The following TAOK3 variants were observed in gnomAD, a reference collection of about 807,000 sequenced individuals.
The protein encoded by TAOK3 is serine/threonine-protein kinase TAO3.
In TAOK3, 40 loss-of-function variants were observed where a neutral mutation model predicts 120.4. That is an observed-to-expected ratio of 0.33 (90% CI 0.26 to 0.43). The LOEUF (loss-of-function observed/expected upper bound fraction) is 0.43, where lower values mean the gene tolerates loss of function less well. TAOK3 is among the 20% of genes least tolerant of loss of function. TAOK3 has a pLI of 1.00. For synonymous variants in TAOK3, 355 were observed against 387.5 expected, an observed-to-expected ratio of 0.92 and a Z score of 0.99; for missense variants, 821 against 1,112.1, an observed-to-expected ratio of 0.74 and a Z score of 3.72.
Position 118,162,082 on chromosome 12 carries a change from G to A in TAOK3, c.1900-55C>T. The stretch of plus-strand genomic sequence containing the variant: ...AGAGGTGAATGGAGATGAACTGGAA[G>A]GAATGCACAACTAAGTGAGGGAGGG... On this transcript the variant is annotated intron_variant, in intron 17 of 20. Transcript: ENST00000392533. 4 of 1,593,934 alleles carry A rather than the reference G, an allele frequency of 2.5e-6. No homozygotes were observed. The South Asian group carries it at 3.3e-5, about 13-fold the overall frequency.
At chr12:118,352,479 T>C (rs960720842) in intron 1 of TAOK3, among the ~76,000 whole-genome samples, 1 of 150,718 alleles carries the variant, frequency 6.6e-6, no homozygotes, top group African/African-American at 2.4e-5. Flanking sequence ...CACTCTAGCC[T>C]GGGCGACACA....
chr12:118,327,910 C>T (rs1051810717), intron 1 of TAOK3, among the ~76,000 whole-genome samples: 9 of 152,162 alleles, frequency 5.9e-5, no homozygotes, highest in Non-Finnish European at 1.2e-4. Context: ...CCCAACAGGA[C>T]CCTTTTTCTT....
Position 118,246,514 on chromosome 12 carries a change from C to T in TAOK3, c.121-1549G>A, listed in dbSNP as rs2040513405. On this transcript the variant is annotated intron_variant, in intron 3 of 20. Coordinates refer to ENST00000392533, the MANE Select transcript of TAOK3 (RefSeq NM_016281.4). ...CACGTCGGTCTGGGTGTTAAGTGCTCCAAGGAGGTGGCCACCGCCATCCGT... is the reference window on the plus strand; with the variant it reads ...CACGTCGGTCTGGGTGTTAAGTGCTTCAAGGAGGTGGCCACCGCCATCCGT... 7 of 1,564,588 alleles carry T rather than the reference C, an allele frequency of 4.5e-6. No individual in the cohort carries two copies. The Admixed American group carries it at 1.0e-4, about 23-fold the overall frequency.
chr12:118,173,235 T>C (rs890445979), intron 16 of TAOK3, among the ~76,000 whole-genome samples: 2 of 152,116 alleles, frequency 1.3e-5, no homozygotes, highest in African/African-American at 4.8e-5. Flanking sequence ...AGAGGAAACA[T>C]GGTGCCATCA....
intron 13 of TAOK3, among the ~76,000 whole-genome samples, chr12:118,195,857 C>T (rs564494929): frequency 6.6e-5 from 10 of 151,956 alleles, no homozygotes; most frequent in East Asian, 1.9e-4. Context: ...GAGACCATCC[C>T]GGCTAACACG....
chr12:118,369,666 A>G (rs77596359), intron 1 of TAOK3, among the ~76,000 whole-genome samples: 2,411 of 152,310 alleles, frequency 0.016, 62 homozygotes, highest in African/African-American at 0.054. Context: ...TGCAAAATGA[A>G]TATATGCCTG....
intron 1 of TAOK3, among the ~76,000 whole-genome samples, chr12:118,345,282 T>C (rs1194446610): frequency 6.6e-6 from 1 of 152,156 alleles, no homozygotes; most frequent in Non-Finnish European, 1.5e-5. Context: ...GTCTTCAAAA[T>C]GGACAAGAAA....
intron 1 of TAOK3, among the ~76,000 whole-genome samples, chr12:118,311,868 G>C (rs114318520): frequency 5.9e-5 from 9 of 152,122 alleles, no homozygotes; most frequent in African/African-American, 2.2e-4. Context: ...GGAAGATATC[G>C]TGAGCCAAAA....
chr12:118,322,617 T>C (rs562062844), intron 1 of TAOK3, among the ~76,000 whole-genome samples: 1 of 152,100 alleles, frequency 6.6e-6, no homozygotes, highest in South Asian at 2.1e-4. Context: ...CAATAAAACG[T>C]TGCTTATGAA....
chr12:118,336,119 A>C (rs975337309), intron 1 of TAOK3, among the ~76,000 whole-genome samples: 1 of 152,222 alleles, frequency 6.6e-6, no homozygotes, highest in Non-Finnish European at 1.5e-5. Context: ...ATGGACAGGC[A>C]AAAGAGCTAG....
At chr12:118,163,958 C>T (rs942869970) in intron 17 of TAOK3, among the ~76,000 whole-genome samples, 2 of 151,946 alleles carry the variant, frequency 1.3e-5, no homozygotes, top group African/African-American at 2.4e-5. Context: ...GTGATCTGCC[C>T]GCCTTGGCCT....
At chr12:118,178,633 T>C (rs760551155) in intron 15 of TAOK3, among the ~76,000 whole-genome samples, 1 of 152,132 alleles carries the variant, frequency 6.6e-6, no homozygotes. Context: ...AATTTTTGTA[T>C]TTTTAGTAGA....
intron 1 of TAOK3, among the ~76,000 whole-genome samples, chr12:118,309,186 G>A (rs1593490428): frequency 6.6e-6 from 1 of 150,486 alleles, no homozygotes; most frequent in East Asian, 2.0e-4. Flanking sequence ...AAAATAAGCT[G>A]GGCGTGGTGC....
intron 3 of TAOK3, among the ~76,000 whole-genome samples, chr12:118,251,505 C>A (rs376625990): frequency 2.1e-4 from 32 of 152,140 alleles, no homozygotes; most frequent in South Asian, 8.3e-4. Context: ...ATCAATGCCA[C>A]TCTGCTACCT....
At position 118,214,029 on chromosome 12, in the gene TAOK3, T is replaced by C. The variant is rs2038758343; in HGVS notation, c.725A>G (p.Gln242Arg). 6.2e-7 allele frequency: 1 copy of C among 1,611,260 alleles called. No individual in the cohort carries two copies. The highest frequency in any genetic ancestry group is 8.5e-7 in the Non-Finnish European group (1 of 1,178,718). The change falls in exon 10 of 21, where the codon CAG becomes CGG. Residue 242 changes from glutamine (Q) to arginine (R), a missense_variant. Physicochemically the swap from Gln to Arg is conservative, Grantham distance 43 (BLOSUM62 1). Around this residue, in one of 2 missense-constraint regions of TAOK3, gnomAD observed 467 missense variants for 540.0 expected, o/e 0.86. Coordinates refer to ENST00000392533, the MANE Select transcript of TAOK3 (RefSeq NM_016281.4). ...AGCAGAGTCTTACCATTCATTAGAC[T>C]GTAACGTTGGGGAGTCATTCTGGGC... ...HIAQNDSPTLQSNEWTDSFRR... is the reference protein window; with the variant it reads ...HIAQNDSPTLRSNEWTDSFRR...
At chr12:118,217,456 C>T (rs1237177488) in intron 9 of TAOK3, among the ~76,000 whole-genome samples, 2 of 151,958 alleles carry the variant, frequency 1.3e-5, no homozygotes, top group African/African-American at 4.8e-5. Flanking sequence ...GGAGACTAAG[C>T]GGGCAGATCA....
Position 118,222,330 on chromosome 12 carries a change from C to T in TAOK3, c.644-8220G>A, listed in dbSNP as rs563472660. 7.9e-5 allele frequency among the ~76,000 whole-genome samples: 12 copies of T among 152,138 alleles called. No homozygotes were observed. The South Asian group carries it at 1.5e-3, about 18-fold the overall frequency. On this transcript the variant is annotated intron_variant, in intron 9 of 20. Transcript: ENST00000392533. ...TCGGAGGATCACGAGGTCAAGAGAT[C>T]GAGATGATCCTTGCTAACAGGGTGA...
At chr12:118,189,731 G>T in intron 14 of TAOK3, 76 bp downstream of exon 14, 1 of 1,568,588 alleles carries the variant, frequency 6.4e-7, no homozygotes, top group Non-Finnish European at 8.8e-7. Context: ...GCCGAGACAG[G>T]CTCAGGGAGG....
intron 1 of TAOK3, among the ~76,000 whole-genome samples, chr12:118,316,789 A>T (rs963329917): frequency 6.6e-6 from 1 of 152,322 alleles, no homozygotes; most frequent in East Asian, 1.9e-4. Flanking sequence ...AAATAAATTT[A>T]GCAAAGTTCC....
Sources: gnomAD v4.1 joint callset for allele counts (sites outside exome capture counted in the v4.1 genomes callset) on GRCh38, gnomAD v4.1.1 for gene constraint, gnomAD v4.1.1 regional missense constraint, MANE v1.5 for transcripts, NCBI Gene and HGNC (gene_info 2026-07-23, HGNC 2026-07-21) for gene names.